Variants in CNTN2 observed in about 807,000 individuals in gnomAD.
The protein encoded by CNTN2 is contactin 2.
CNTN2 carries 53 observed loss-of-function variants against 117.5 expected under a neutral mutation model. The observed-to-expected ratio is 0.45, with a 90% CI of 0.36 to 0.57. The LOEUF (loss-of-function observed/expected upper bound fraction) is 0.57. CNTN2 is among the 20% of genes least tolerant of loss of function. The pLI, the probability that CNTN2 is intolerant of heterozygous loss-of-function variation, is 0.00. For synonymous variants in CNTN2, 530 were observed against 561.7 expected (o/e 0.94, Z 0.80); for missense variants, 1,106 against 1,404.3 (o/e 0.79, Z 3.39).
Position 205,073,435 on chromosome 1 carries a change from C to T in CNTN2, c.3013+199C>T. 6 of 783,278 alleles carry T rather than the reference C, an allele frequency of 7.7e-6. No individual in the cohort carries two copies. In the South Asian group the frequency reaches 9.1e-5, roughly 12 times the overall value. The allele number at this position is 783,278 out of a possible 1,614,324, so 48.5% of individuals were successfully genotyped here. ...CCAGCCCCCAGAACATCCCCGAGGG[C>T]CAGGGAAGGGCGCAGGGTGCAGGGG... On this transcript the variant is annotated intron_variant, in intron 22 of 22. Coordinates refer to ENST00000331830, the MANE Select transcript of CNTN2 (RefSeq NM_005076.5). This position sits in a 1 kb window ranked among gnomAD's most constrained non-coding sequence, Gnocchi z 6.3.
At position 205,073,177 on chromosome 1, in the gene CNTN2, G is replaced by A. The variant is rs1348228431; in HGVS notation, c.2954G>A (p.Arg985Gln). ...ATTGGCCATGCCCTGGTACAAATTC[G>A]GACCACAGGGCCCGGAGGGGATGGG... is the stretch of plus-strand genomic sequence containing the variant. ...EDIGHALVQI[R>Q]TTGPGGDGIP... Residue 985 changes from arginine to glutamine, a missense_variant, in exon 22 of 23, where the codon CGG (arginine) becomes CAG (glutamine). Coordinates refer to ENST00000331830, the MANE Select transcript of CNTN2 (RefSeq NM_005076.5). This position sits in a 1 kb window ranked among gnomAD's most constrained non-coding sequence, Gnocchi z 6.3. 3 of 1,614,024 alleles carry A rather than the reference G, an allele frequency of 1.9e-6. No individual in the cohort carries two copies. The highest frequency in any genetic ancestry group is 4.5e-5 in the East Asian group (2 of 44,878).
At chr1:205,055,730 G>A (rs2096459893) in intron 2 of CNTN2, among the ~76,000 whole-genome samples, 3 of 152,146 alleles carry the variant, frequency 2.0e-5, no homozygotes, top group South Asian at 4.1e-4. Flanking sequence ...CCCCAGATCC[G>A]CTCCTTCTCG....
Position 205,073,376 on chromosome 1 carries a change from T to C in CNTN2, c.3013+140T>C, listed in dbSNP as rs1360215674. On this transcript the variant is annotated intron_variant, in intron 22 of 22. Coordinates refer to ENST00000331830, the MANE Select transcript of CNTN2 (RefSeq NM_005076.5). The surrounding 1 kb of genome is among the most constrained non-coding windows in gnomAD (Gnocchi z 6.3). ...AGGCAGGCAGGAACCAAGTGCAAAGTAGTCTTAGAACTGCCTCGCCGCCAC... is the reference window on the plus strand; with the variant it reads ...AGGCAGGCAGGAACCAAGTGCAAAGCAGTCTTAGAACTGCCTCGCCGCCAC... 1.3e-5 allele frequency: 14 copies of C among 1,079,112 alleles called. No homozygotes were observed. The highest frequency in any genetic ancestry group is 1.9e-5 in the Non-Finnish European group (14 of 755,418). 66.8% of individuals were successfully genotyped at this position (1,079,112 alleles called of 1,614,324 possible). A position where few individuals can be genotyped will look rare whatever the true frequency, so the allele number is the denominator to read the frequency against.
rs745410620 is a variant in CNTN2, at chr1:205,066,562, C to T, written c.1938C>T (p.Arg646=). 2 of 1,614,104 alleles carry T rather than the reference C, an allele frequency of 1.2e-6. No individual in the cohort carries two copies. Among genetic ancestry groups the T allele is most frequent in the Admixed American group, 1.7e-5 (1 of 60,020 alleles). The change falls in exon 15 of 23, where the codon CGC becomes CGT. Residue 646 remains arginine (R), a synonymous_variant. Coordinates refer to ENST00000331830, the MANE Select transcript of CNTN2 (RefSeq NM_005076.5). ...TCGCTAAGTACACCCTGCAAGCTCG[C>T]ACTCCACCTGCAGGGAAGTGGAAGC... ...SPIAKYTLQA[R]TPPAGKWKQV...
intron 18 of CNTN2, 123 bp downstream of exon 18, chr1:205,070,184 G>A: frequency 1.1e-6 from 1 of 951,328 alleles, no homozygotes; most frequent in South Asian, 1.6e-5. Flanking sequence ...GAGGACACCT[G>A]GGTTCCACAT....
chr1:205,066,241 G>A (rs915323593), intron 14 of CNTN2, 200 bp from the exon 15 acceptor site: 3 of 639,670 alleles, frequency 4.7e-6, no homozygotes, highest in African/African-American at 3.7e-5. Flanking sequence ...CCAGCCTTGA[G>A]ACACATCCCT....
Position 205,061,218 on chromosome 1 carries a change from A to T in CNTN2, c.798-27A>T. The T allele has an allele frequency of 6.3e-7, 1 of 1,585,912 alleles. No homozygotes were observed. Among genetic ancestry groups the T allele is most frequent in the Non-Finnish European group, 8.6e-7 (1 of 1,162,016 alleles). ...GAGGGGTAGGCCCAGCTCAGCCCAC[A>T]CCCTCTGGCTTTGTCTCTCCTGCCA... On this transcript the variant is annotated intron_variant, in intron 7 of 22. Transcript: ENST00000331830. This position sits in a 1 kb window ranked among gnomAD's most constrained non-coding sequence, Gnocchi z 4.8.
intron 1 of CNTN2, among the ~76,000 whole-genome samples, chr1:205,046,504 A>T (rs2096441761): frequency 6.6e-6 from 1 of 152,168 alleles, no homozygotes; most frequent in African/African-American, 2.4e-5. Context: ...GCCTTCCTGC[A>T]GTGCTGCCCA....
rs1654708222 is a variant in CNTN2, at chr1:205,073,541, G to A, written c.3014-115G>A. On this transcript the variant is annotated intron_variant, in intron 22 of 22. Coordinates refer to ENST00000331830, the MANE Select transcript of CNTN2 (RefSeq NM_005076.5). This position sits in a 1 kb window ranked among gnomAD's most constrained non-coding sequence, Gnocchi z 6.3. The stretch of plus-strand genomic sequence containing the variant: ...GACTGAGAAGACCACCCAGCCGTCC[G>A]CTCCCAGGCCTGCAGCTGGCCCTGT... The A allele has an allele frequency of 9.5e-6, 9 of 949,112 alleles. No homozygotes were observed. The highest frequency in any genetic ancestry group is 5.2e-5 in the East Asian group (2 of 38,144). The allele number at this position is 949,112 out of a possible 1,614,324, so 58.8% of individuals were successfully genotyped here.
chr1:205,065,359 TA>T lies in CNTN2; in HGVS notation c.1695+98del. 7.6e-7 allele frequency: 1 copy of T among 1,323,754 alleles called. No individual in the cohort carries two copies. The highest frequency in any genetic ancestry group is 1.1e-6 in the Non-Finnish European group (1 of 951,858). 82.0% of individuals were successfully genotyped at this position (1,323,754 alleles called of 1,614,324 possible). On this transcript the variant is annotated intron_variant, in intron 13 of 22. Transcript: ENST00000331830. This position sits in a 1 kb window ranked among gnomAD's most constrained non-coding sequence, Gnocchi z 4.1. ...GCCATCCTCACCTTTAAGAAACCCA[TA>T]GCCTAAGCGCCCCCATTCCCTCAGG...
chr1:205,053,012 G>A (rs915653389), intron 1 of CNTN2, 88 bp from the exon 2 acceptor site: 14 of 458,802 alleles, frequency 3.1e-5, no homozygotes, highest in Non-Finnish European at 5.5e-5. Context: ...TCCCCAGGCC[G>A]AGGTAAAAGC....
Position 205,061,785 on chromosome 1 carries a change from T to G in CNTN2, c.974-80T>G. On this transcript the variant is annotated intron_variant, in intron 8 of 22. Coordinates refer to ENST00000331830, the MANE Select transcript of CNTN2 (RefSeq NM_005076.5). This position sits in a 1 kb window ranked among gnomAD's most constrained non-coding sequence, Gnocchi z 4.8. ...CTCTGCTGTCTGGCACAGGTGCTGC[T>G]GCCCTGATTTTCTGTTCCTTTTAAT... is the stretch of plus-strand genomic sequence containing the variant. 6.8e-7 allele frequency: 1 copy of G among 1,471,182 alleles called. No individual in the cohort carries two copies. Among genetic ancestry groups the G allele is most frequent in the Non-Finnish European group, 9.0e-7 (1 of 1,105,498 alleles). The allele number at this position is 1,471,182 out of a possible 1,614,324, so 91.1% of individuals were successfully genotyped here. A position where few individuals can be genotyped will look rare whatever the true frequency, so the allele number is the denominator to read the frequency against.
At chr1:205,067,399 C>A in intron 16 of CNTN2, 149 bp downstream of exon 16, 1 of 916,864 alleles carries the variant, frequency 1.1e-6, no homozygotes, top group Non-Finnish European at 1.6e-6. Flanking sequence ...GACAGAACAC[C>A]AAGTTGGGAC....
Position 205,074,399 on chromosome 1 carries a change from G to A in CNTN2, c.*634G>A, listed in dbSNP as rs140623863. On this transcript the variant is annotated 3_prime_UTR_variant, in exon 23 of 23. Coordinates refer to ENST00000331830, the MANE Select transcript of CNTN2 (RefSeq NM_005076.5). ...CTGAGCCCCTTCAGCTTTGAGGGGGGTGATACTCCAGGCTGTTTGGGGTGG... is the reference window on the plus strand; with the variant it reads ...CTGAGCCCCTTCAGCTTTGAGGGGGATGATACTCCAGGCTGTTTGGGGTGG... 19 of 399,954 alleles carry A rather than the reference G, an allele frequency of 4.8e-5. No homozygotes were observed. The highest frequency in any genetic ancestry group is 7.9e-5 in the Non-Finnish European group (18 of 226,850). The allele number at this position is 399,954 out of a possible 1,614,324, so 24.8% of individuals were successfully genotyped here.
intron 16 of CNTN2, 68 bp downstream of exon 16, chr1:205,067,318 G>A: frequency 6.5e-7 from 1 of 1,534,870 alleles, no homozygotes; most frequent in South Asian, 1.3e-5. Flanking sequence ...TATAGGGAAT[G>A]CCAAGCCAGC....
Position 205,061,954 on chromosome 1 carries a change from C to T in CNTN2, c.1063C>T (p.Arg355Trp), listed in dbSNP as rs1654004493. 5 of 1,611,514 alleles carry T rather than the reference C, an allele frequency of 3.1e-6. No individual in the cohort carries two copies. The highest frequency in any genetic ancestry group is 1.1e-5 in the South Asian group (1 of 90,790). The change falls in exon 9 of 23, where the codon CGG (arginine) becomes TGG (tryptophan). Residue 355 changes from arginine (R) to tryptophan (W), a missense_variant. Transcript: ENST00000331830. This position sits in a 1 kb window ranked among gnomAD's most constrained non-coding sequence, Gnocchi z 4.8. The part of the protein sequence containing the change: ...RWGCAAAGKP[R>W]PTVRWLRNGE... ...GGGCTGTGCAGCCGCCGGCAAGCCC[C>T]GGCCTACAGTGCGCTGGCTGCGGAA...
chr1:205,071,823 T>C, intron 19 of CNTN2, 124 bp from the exon 20 acceptor site: 1 of 879,100 alleles, frequency 1.1e-6, no homozygotes, highest in Non-Finnish European at 1.7e-6. Flanking sequence ...GTCTCCAGGT[T>C]CTGAGGCCTA....
chr1:205,061,962 A>T lies in CNTN2; in HGVS notation c.1071A>T (p.Thr357=), dbSNP rs1340324829. 3.7e-6 allele frequency: 6 copies of T among 1,612,734 alleles called. No homozygotes were observed. Among genetic ancestry groups the T allele is most frequent in the Admixed American group, 1.7e-5 (1 of 59,844 alleles). The change falls in exon 9 of 23, where the codon ACA becomes ACT. Residue 357 remains threonine, a synonymous_variant. Transcript: ENST00000331830. The surrounding 1 kb of genome is among the most constrained non-coding windows in gnomAD (Gnocchi z 4.8). ...GCAAAGKPRP[T]VRWLRNGEPL... ...CAGCCGCCGGCAAGCCCCGGCCTACAGTGCGCTGGCTGCGGAACGGGGAGC... is the reference window on the plus strand; with the variant it reads ...CAGCCGCCGGCAAGCCCCGGCCTACTGTGCGCTGGCTGCGGAACGGGGAGC...
At position 205,061,959 on chromosome 1, in the gene CNTN2, T is replaced by C; in HGVS notation, c.1068T>C (p.Pro356=). The C allele has an allele frequency of 6.2e-7, 1 of 1,612,498 alleles. No individual in the cohort carries two copies. Among genetic ancestry groups the C allele is most frequent in the Non-Finnish European group, 8.5e-7 (1 of 1,179,388 alleles). Residue 356 remains proline, a synonymous_variant, in exon 9 of 23, where the codon CCT becomes CCC. Coordinates refer to ENST00000331830, the MANE Select transcript of CNTN2 (RefSeq NM_005076.5). The surrounding 1 kb of genome is among the most constrained non-coding windows in gnomAD (Gnocchi z 4.8). Reference sequence around the variant, plus strand: ...GTGCAGCCGCCGGCAAGCCCCGGCCTACAGTGCGCTGGCTGCGGAACGGGG... The same window carrying C: ...GTGCAGCCGCCGGCAAGCCCCGGCCCACAGTGCGCTGGCTGCGGAACGGGG... ...WGCAAAGKPR[P]TVRWLRNGEP...
Sources: allele counts gnomAD v4.1 joint callset (sites outside exome capture counted in the v4.1 genomes callset), GRCh38; gene constraint gnomAD v4.1.1; non-coding constraint Gnocchi (gnomAD v3.1); transcripts MANE v1.5; gene names NCBI Gene and HGNC (gene_info 2026-07-23, HGNC 2026-07-21).